Variants in INPP4B observed in about 807,000 individuals in gnomAD.
INPP4B encodes inositol polyphosphate 4-phosphatase type II.
A neutral mutation model predicts 122.5 loss-of-function variants in INPP4B; 55 were observed. That is an observed-to-expected ratio of 0.45 (90% CI 0.36 to 0.56). INPP4B has a LOEUF of 0.56. INPP4B is among the 20% of genes least tolerant of loss of function. INPP4B has a pLI of 0.00. For missense variants in INPP4B, 1,000 were observed against 1,097.7 expected (o/e 0.91, Z 1.26); for synonymous variants, 403 against 388.7 (o/e 1.04, Z -0.43).
chr4:142,649,475 T>C (rs555024735), intron 2 of INPP4B, among the ~76,000 whole-genome samples: 5 of 152,118 alleles, frequency 3.3e-5, no homozygotes, highest in Non-Finnish European at 7.4e-5. Flanking sequence ...AAAACCTTGA[T>C]AAAAGGTTAT....
chr4:142,173,599 T>C, intron 16 of INPP4B, 33 bp downstream of exon 16: 1 of 1,567,852 alleles, frequency 6.4e-7, no homozygotes, highest in Non-Finnish European at 8.7e-7. Context: ...GAGTATTTCA[T>C]TTTCCCAACT....
chr4:142,620,947 T>C (rs972475744), intron 2 of INPP4B, among the ~76,000 whole-genome samples: 2 of 151,922 alleles, frequency 1.3e-5, no homozygotes, highest in Non-Finnish European at 2.9e-5. Context: ...TATACATGTG[T>C]TAACATTCAT....
intron 10 of INPP4B, among the ~76,000 whole-genome samples, chr4:142,263,300 A>G (rs1201866250): frequency 6.6e-6 from 1 of 152,036 alleles, no homozygotes; most frequent in African/African-American, 2.4e-5. Context: ...GTTCCTACTT[A>G]TCCTTTCTCT....
intron 1 of INPP4B, among the ~76,000 whole-genome samples, chr4:142,769,464 C>T (rs1282095659): frequency 6.6e-6 from 1 of 152,156 alleles, no homozygotes; most frequent in Non-Finnish European, 1.5e-5. Flanking sequence ...CATTTTTTAA[C>T]TCCGCTAATT....
At chr4:142,119,564 C>T (rs1795506681) in intron 21 of INPP4B, among the ~76,000 whole-genome samples, 1 of 114,860 alleles carries the variant, frequency 8.7e-6, no homozygotes, top group Non-Finnish European at 1.8e-5. Context: ...CCAAACACTG[C>T]ATGTTTTCAC....
chr4:142,303,648 G>T (rs1762318048), intron 9 of INPP4B, among the ~76,000 whole-genome samples: 1 of 151,972 alleles, frequency 6.6e-6, no homozygotes, highest in Non-Finnish European at 1.5e-5. Context: ...CACAAATTTG[G>T]CAAAGCACAA....
At chr4:142,839,409 G>A (rs1223239004) in intron 1 of INPP4B, among the ~76,000 whole-genome samples, 1 of 152,088 alleles carries the variant, frequency 6.6e-6, no homozygotes, top group Non-Finnish European at 1.5e-5. Context: ...ACTCCAGCCT[G>A]AGCGACAGAG....
In INPP4B at chr4:142,365,769, A is replaced by AT. The variant is rs5862588; in HGVS notation, c.372+37168dup. Among the ~76,000 whole-genome samples the AT allele has an allele frequency of 7.3e-3, 899 of 123,228 alleles. 8 individuals carry two copies. The highest frequency in any genetic ancestry group is 0.026 in the African/African-American group (843 of 32,582). The allele number at this position is 123,228 out of a possible 152,430, so 80.8% of individuals were successfully genotyped here. ...TTTTAACAAATATTAAATTTTTACA[A>AT]TTTTTTTTTCTCCAAATTATTGATG... On this transcript the variant is annotated intron_variant, in intron 7 of 25. Transcript: ENST00000262992.
intron 11 of INPP4B, among the ~76,000 whole-genome samples, chr4:142,257,978 C>A (rs1461214737): frequency 6.6e-6 from 1 of 152,160 alleles, no homozygotes; most frequent in African/African-American, 2.4e-5. Context: ...GTAACCAAAA[C>A]AGCATGGTAC....
intron 3 of INPP4B, among the ~76,000 whole-genome samples, chr4:142,448,947 A>G (rs1554056413): frequency 1.3e-5 from 2 of 152,190 alleles, no homozygotes; most frequent in Non-Finnish European, 1.5e-5. Context: ...GAGACCCCTG[A>G]CCAGGCAGAA....
chr4:142,078,471 T>C (rs1367175665), intron 25 of INPP4B, among the ~76,000 whole-genome samples: 1 of 152,158 alleles, frequency 6.6e-6, no homozygotes, highest in East Asian at 1.9e-4. Flanking sequence ...ATTCCTTTAT[T>C]GTATATTTAT....
intron 9 of INPP4B, among the ~76,000 whole-genome samples, chr4:142,285,839 A>G (rs1431659585): frequency 6.6e-6 from 1 of 152,178 alleles, no homozygotes; most frequent in Non-Finnish European, 1.5e-5. Context: ...TTATGACGAC[A>G]ATAAAGAAAC....
intron 7 of INPP4B, among the ~76,000 whole-genome samples, chr4:142,369,439 G>A (rs1170408634): frequency 1.3e-5 from 2 of 151,676 alleles, no homozygotes; most frequent in Admixed American, 6.6e-5. Flanking sequence ...TTAGCCAGGC[G>A]TGGTGGCATG....
At chr4:142,349,875 A>G (rs1781426525) in intron 7 of INPP4B, among the ~76,000 whole-genome samples, 1 of 141,164 alleles carries the variant, frequency 7.1e-6, no homozygotes, top group Non-Finnish European at 1.6e-5. Context: ...TCTGAAACCA[A>G]TACTGTCAGA....
At chr4:142,460,854 T>C (rs1816582700) in intron 3 of INPP4B, among the ~76,000 whole-genome samples, 1 of 141,912 alleles carries the variant, frequency 7.0e-6, no homozygotes, top group Non-Finnish European at 1.6e-5. Context: ...CTTTTAGTGC[T>C]GCAAAGACAA....
Position 142,367,322 on chromosome 4 carries a change from G to C in INPP4B, c.372+35616C>G, listed in dbSNP as rs200627998. 3.3e-5 allele frequency among the ~76,000 whole-genome samples: 5 copies of C among 151,402 alleles called. No individual in the cohort carries two copies. In the East Asian group the frequency reaches 5.9e-4, roughly 18 times the overall value. On this transcript the variant is annotated intron_variant, in intron 7 of 25. Transcript: ENST00000262992. The stretch of plus-strand genomic sequence containing the variant: ...AAAGATGATACAGTAAACTTTTTTA[G>C]GACACAATTCCCTAGACTTCCCCCT...
At chr4:142,827,283 CT>C (rs1781564700) in intron 1 of INPP4B, among the ~76,000 whole-genome samples, 1 of 152,182 alleles carries the variant, frequency 6.6e-6, no homozygotes, top group Non-Finnish European at 1.5e-5. Context: ...ACTTCAAGTG[CT>C]CGTCTACATA....
intron 18 of INPP4B, among the ~76,000 whole-genome samples, chr4:142,134,549 T>C (rs868799167): frequency 9.2e-5 from 14 of 152,058 alleles, no homozygotes; most frequent in Admixed American, 3.9e-4. Context: ...AAGTATACTC[T>C]AGTTGGGAGG....
chr4:142,380,176 T>C (rs1238362516), intron 7 of INPP4B, among the ~76,000 whole-genome samples: 2 of 152,230 alleles, frequency 1.3e-5, no homozygotes, highest in Admixed American at 1.3e-4. Context: ...TTATCCTGTT[T>C]ACTGACTAAA....
Sources: allele counts gnomAD v4.1 joint callset (sites outside exome capture counted in the v4.1 genomes callset), GRCh38; gene constraint gnomAD v4.1.1; transcripts MANE v1.5; gene names NCBI Gene and HGNC (gene_info 2026-07-23, HGNC 2026-07-21).